Variants in DOCK4 observed in about 807,000 individuals in gnomAD.
DOCK4 encodes the protein dedicator of cytokinesis protein 4.
Under a neutral mutation model 268.1 loss-of-function variants are expected in DOCK4, and 97 were observed. The ratio of observed to expected loss-of-function variants is 0.36; its 90% CI spans 0.31 to 0.43. The LOEUF (loss-of-function observed/expected upper bound fraction) is 0.43, where lower values mean the gene tolerates loss of function less well. Ranked by LOEUF, DOCK4 falls within the 20% of genes least tolerant of loss-of-function variation. The pLI is 1.00. For synonymous variants in DOCK4, 954 were observed against 887.2 expected (o/e 1.08, Z -1.34); for missense variants, 2,145 against 2,455.7 (o/e 0.87, Z 2.67).
chr7:111,932,826 A>G (rs1014926699), intron 12 of DOCK4, among the ~76,000 whole-genome samples: 1 of 152,098 alleles, frequency 6.6e-6, no homozygotes, highest in Admixed American at 6.5e-5. Context: ...ACAGCAACAT[A>G]TGGCTGCTGC....
At chr7:112,027,287 C>G (rs1013730690) in intron 1 of DOCK4, among the ~76,000 whole-genome samples, 8 of 152,048 alleles carry the variant, frequency 5.3e-5, no homozygotes, top group Non-Finnish European at 1.2e-4. Context: ...TGCAGTGGTG[C>G]AATCTCGGCT....
intron 12 of DOCK4, among the ~76,000 whole-genome samples, chr7:111,934,828 T>C (rs1453741544): frequency 6.7e-6 from 1 of 148,224 alleles, no homozygotes; most frequent in Non-Finnish European, 1.5e-5. Flanking sequence ...CGTGAGCCAC[T>C]GCGCCCGGCC....
At chr7:111,769,430 T>C in intron 37 of DOCK4, 99 bp downstream of exon 37, 44 of 1,447,824 alleles carry the variant, frequency 3.0e-5, no homozygotes, top group Non-Finnish European at 4.0e-5. Context: ...TGAGGATCCC[T>C]GCTTAAGGAG....
At chr7:111,976,211 T>C (rs534588786) in intron 8 of DOCK4, among the ~76,000 whole-genome samples, 25 of 96,500 alleles carry the variant, frequency 2.6e-4, no homozygotes, top group South Asian at 3.6e-4. Context: ...CACATATGTG[T>C]GTGTGTGTGT....
intron 16 of DOCK4, among the ~76,000 whole-genome samples, chr7:111,878,246 G>C (rs1241005529): frequency 6.6e-6 from 1 of 152,226 alleles, no homozygotes; most frequent in African/African-American, 2.4e-5. Context: ...TATGGTCCCA[G>C]ATTTGAACAA....
rs1359572023 is a variant in DOCK4, at chr7:112,052,868, T to C, written c.38-48737A>G. On this transcript the variant is annotated intron_variant, in intron 1 of 52. Coordinates refer to ENST00000428084, the MANE Select transcript of DOCK4 (RefSeq NM_001363540.2). ...TTTACAAACTAAGGCCCAAGGAAAGTTGAAATAATATATATCAAATATAAA... is the reference window on the plus strand; with the variant it reads ...TTTACAAACTAAGGCCCAAGGAAAGCTGAAATAATATATATCAAATATAAA... Among the ~76,000 whole-genome samples the C allele has an allele frequency of 3.3e-5, 5 of 152,128 alleles. No individual in the cohort carries two copies. The East Asian group carries it at 7.7e-4, about 23-fold the overall frequency.
intron 1 of DOCK4, among the ~76,000 whole-genome samples, chr7:112,105,829 T>C (rs1811100448): frequency 6.6e-6 from 1 of 151,808 alleles, no homozygotes; most frequent in Non-Finnish European, 1.5e-5. Context: ...GCTGGGACTA[T>C]AGGCATAAGC....
chr7:111,830,903 C>T (rs1802768838), intron 26 of DOCK4, among the ~76,000 whole-genome samples: 1 of 151,936 alleles, frequency 6.6e-6, no homozygotes. Context: ...CATGATGGTA[C>T]TCGACCTCCT....
At chr7:112,059,542 C>T (rs1806192633) in intron 1 of DOCK4, among the ~76,000 whole-genome samples, 1 of 152,144 alleles carries the variant, frequency 6.6e-6, no homozygotes, top group Admixed American at 6.5e-5. Flanking sequence ...AATATTCATC[C>T]TATATTTCCC....
rs537423704 is a variant in DOCK4, at chr7:111,981,463, GCA to G, written c.549+2841_549+2842del. On this transcript the variant is annotated intron_variant, in intron 7 of 52. Coordinates refer to ENST00000428084, the MANE Select transcript of DOCK4 (RefSeq NM_001363540.2). ...ATGATCTGTGCAGCAAACTACCATG[GCA>G]CACATTTACCTATGTAACAAACCTG... 3.1e-4 allele frequency among the ~76,000 whole-genome samples: 47 copies of G among 152,270 alleles called. 1 individual carries two copies. In the South Asian group the frequency reaches 9.6e-3, roughly 31 times the overall value.
intron 1 of DOCK4, among the ~76,000 whole-genome samples, chr7:112,059,926 TA>T (rs1339441456): frequency 3.3e-5 from 5 of 152,120 alleles, no homozygotes; most frequent in Admixed American, 2.0e-4. Context: ...TAAGAGCCAA[TA>T]AAAATATTTT....
At chr7:112,078,381 A>G (rs1228482758) in intron 1 of DOCK4, among the ~76,000 whole-genome samples, 1 of 152,178 alleles carries the variant, frequency 6.6e-6, no homozygotes, top group Non-Finnish European at 1.5e-5. Context: ...CAATTCCCCC[A>G]GGTAAATACT....
chr7:111,890,964 A>G (rs1808239380), intron 16 of DOCK4, among the ~76,000 whole-genome samples: 1 of 152,186 alleles, frequency 6.6e-6, no homozygotes, highest in African/African-American at 2.4e-5. Flanking sequence ...TTCATCTCTC[A>G]TCAACCTTTG....
chr7:112,049,338 CA>C (rs1172512183), intron 1 of DOCK4, among the ~76,000 whole-genome samples: 5 of 151,580 alleles, frequency 3.3e-5, no homozygotes, highest in African/African-American at 1.2e-4. Flanking sequence ...TAAACTGTGA[CA>C]AGTTAAAGAT....
chr7:112,005,833 C>T (rs1274236779), intron 1 of DOCK4, among the ~76,000 whole-genome samples: 1 of 152,178 alleles, frequency 6.6e-6, no homozygotes, highest in Non-Finnish European at 1.5e-5. Context: ...TTCCTCATCA[C>T]CTTCTTGAAC....
chr7:111,925,077 T>G (rs1793487423), intron 12 of DOCK4, among the ~76,000 whole-genome samples: 1 of 152,224 alleles, frequency 6.6e-6, no homozygotes, highest in African/African-American at 2.4e-5. Context: ...ACCTGTTCAT[T>G]TCTGAAATAC....
chr7:112,034,142 C>A (rs934726759), intron 1 of DOCK4, among the ~76,000 whole-genome samples: 8 of 152,156 alleles, frequency 5.3e-5, no homozygotes, highest in African/African-American at 1.9e-4. Flanking sequence ...AAGGCTAAAT[C>A]ATCTGACTGA....
chr7:112,200,735 A>AATAAAT (rs1820853454), intron 1 of DOCK4, among the ~76,000 whole-genome samples: 1 of 118,396 alleles, frequency 8.4e-6, no homozygotes, highest in Admixed American at 8.3e-5. Context: ...TAAAAAAAAA[A>AATAAAT]AAACAAAAAA....
At chr7:111,887,029 G>T (rs1807907640) in intron 16 of DOCK4, among the ~76,000 whole-genome samples, 1 of 152,022 alleles carries the variant, frequency 6.6e-6, no homozygotes, top group African/African-American at 2.4e-5. Context: ...AAAAGCCTTG[G>T]GATTACCCCC....
Sources: gnomAD v4.1 joint callset for allele counts (sites outside exome capture counted in the v4.1 genomes callset) on GRCh38, gnomAD v4.1.1 for gene constraint, MANE v1.5 for transcripts, NCBI Gene and HGNC (gene_info 2026-07-23, HGNC 2026-07-21) for gene names.